UIMC1: variants seen among roughly 807,000 people sequenced by gnomAD.
UIMC1 encodes ubiquitin interaction motif containing 1.
Under a neutral mutation model 84.9 loss-of-function variants are expected in UIMC1, and 42 were observed. That is an observed-to-expected ratio of 0.49 (90% CI 0.39 to 0.64). UIMC1 has a LOEUF of 0.64. Ranked by LOEUF, UIMC1 falls within the 30% of genes least tolerant of loss-of-function variation. UIMC1 has a pLI of 0.00. For missense variants in UIMC1, 825 were observed against 847.6 expected, an observed-to-expected ratio of 0.97 and a Z score of 0.33; for synonymous variants, 281 against 293.0, an observed-to-expected ratio of 0.96 and a Z score of 0.42.
chr5:177,006,868 G>T (rs1171286703), upstream of UIMC1: 3 of 152,242 alleles, frequency 2.0e-5, no homozygotes, highest in Non-Finnish European at 2.9e-5. Context: ...CTGACCGCCC[G>T]TGAGCCGGCT....
Position 176,908,541 on chromosome 5 carries a change from C to T in UIMC1, c.1830G>A (p.Gln610=). The T allele has an allele frequency of 6.2e-7, 1 of 1,613,966 alleles. No individual in the cohort carries two copies. The highest frequency in any genetic ancestry group is 1.1e-5 in the South Asian group (1 of 91,074). Residue 610 remains glutamine, a synonymous_variant, in exon 12 of 15, where the codon CAG becomes CAA. Transcript: ENST00000511320. The stretch of plus-strand genomic sequence containing the variant: ...CACATACCTTTGGGTTCTTCAGCCT[C>T]TGCTGCCACTTCCCCTCCACAGTTG... ...ACSTVEGKWQ[Q]RLKNPKEKGH... is the part of the protein sequence containing the mutation.
chr5:177,001,352 T>C (rs922176388), intron 1 of UIMC1: 3 of 152,158 alleles, frequency 2.0e-5, no homozygotes, highest in East Asian at 1.9e-4. Context: ...TAAGTTGTTT[T>C]ATGGGGTTTT....
At position 176,969,855 on chromosome 5, in the gene UIMC1, C is replaced by T. The variant is rs1768930175; in HGVS notation, c.358-149G>A. 7.5e-6 allele frequency: 5 copies of T among 663,200 alleles called. No homozygotes were observed. The South Asian group carries it at 7.6e-5, about 10-fold the overall frequency. 41.1% of individuals were successfully genotyped at this position (663,200 alleles called of 1,614,324 possible). A position where few individuals can be genotyped will look rare whatever the true frequency, so the allele number is the denominator to read the frequency against. ...GCTCAATTTAATTTCACAGCATATG[C>T]TGAATGTCTATGTGCAAAGTGTTGT... On this transcript the variant is annotated intron_variant, in intron 4 of 14. Coordinates refer to ENST00000511320, the MANE Select transcript of UIMC1 (RefSeq NM_001199298.2).
intron 13 of UIMC1, chr5:176,906,304 G>T: frequency 4.6e-6 from 2 of 438,700 alleles, no homozygotes; most frequent in Non-Finnish European, 4.1e-6. Flanking sequence ...TGAGGAACAA[G>T]GAAGTTGCCA....
rs149115377 is a variant in UIMC1 at position 176,937,685 on chromosome 5, G to A, written c.1597+5650C>T. 2.9e-3 allele frequency among the ~76,000 whole-genome samples: 440 copies of A among 152,202 alleles called. 1 individual carries two copies. Among genetic ancestry groups the A allele is most frequent in the African/African-American group, 0.01 (422 of 41,530 alleles). On this transcript the variant is annotated intron_variant, in intron 10 of 14. Coordinates refer to ENST00000511320, the MANE Select transcript of UIMC1 (RefSeq NM_001199298.2). The stretch of plus-strand genomic sequence containing the variant: ...ATGCATAATTGTTATTGTGCTGCAC[G>A]GTAAGTAGGCATAAATAGTAGACAC...
intron 1 of UIMC1, among the ~76,000 whole-genome samples, chr5:176,985,147 G>GT (rs552690530): frequency 2.3e-4 from 35 of 151,192 alleles, no homozygotes; most frequent in Middle Eastern, 3.4e-3. Context: ...GGAAAAAATG[G>GT]TTTTTTTTTC....
Position 177,020,439 on chromosome 5 carries a change from T to C in UIMC1, c.-9+2025A>G, listed in dbSNP as rs146489505. ...CTTAGCACTTATTATTGTTAACTTT[T>C]TTTGTTTTTGAGATGGAGTCTCGCT... On this transcript the variant is annotated intron_variant, in intron 1 of 5. Coordinates refer to the UIMC1 transcript ENST00000509236. 9.1e-3 allele frequency among the ~76,000 whole-genome samples: 1,390 copies of C among 152,326 alleles called. 9 individuals are homozygous for C. Among genetic ancestry groups the C allele is most frequent in the South Asian group, 0.025 (121 of 4,828 alleles).
At chr5:176,925,574 G>T (rs913573882) in intron 10 of UIMC1, among the ~76,000 whole-genome samples, 6 of 151,742 alleles carry the variant, frequency 4.0e-5, no homozygotes, top group African/African-American at 1.5e-4. Context: ...ACTGTATAAA[G>T]AAACTGGTAT....
intron 11 of UIMC1, among the ~76,000 whole-genome samples, chr5:176,909,151 C>G (rs887181654): frequency 6.6e-6 from 1 of 152,186 alleles, no homozygotes; most frequent in Non-Finnish European, 1.5e-5. Context: ...TCAAGTCTGT[C>G]TATATGCTGA....
intron 6 of UIMC1, among the ~76,000 whole-genome samples, chr5:176,961,865 G>A (rs1426912508): frequency 2.2e-5 from 1 of 46,464 alleles, no homozygotes; most frequent in Admixed American, 1.6e-4. Context: ...CCCTCTGCCC[G>A]GCCAGCCGCC....
intron 1 of UIMC1, among the ~76,000 whole-genome samples, chr5:177,005,859 C>T (rs1775177041): frequency 6.6e-6 from 1 of 152,126 alleles, no homozygotes; most frequent in African/African-American, 2.4e-5. Flanking sequence ...CTGCCCGGGA[C>T]TCGCGCCCCG....
chr5:176,957,355 C>T (rs571744893), intron 7 of UIMC1, among the ~76,000 whole-genome samples: 1 of 152,206 alleles, frequency 6.6e-6, no homozygotes, highest in South Asian at 2.1e-4. Flanking sequence ...TCTCAAAACT[C>T]AACTACTAGA....
intron 12 of UIMC1, 40 bp from the exon 13 acceptor site, chr5:176,907,217 C>A (rs778917050): frequency 1.3e-6 from 2 of 1,581,744 alleles, no homozygotes; most frequent in Non-Finnish European, 1.7e-6. Context: ...TACTTCATGT[C>A]AGAGTCTAAA....
intron 1 of UIMC1, among the ~76,000 whole-genome samples, chr5:177,019,494 T>A (rs1775741940): frequency 6.6e-6 from 1 of 151,554 alleles, no homozygotes; most frequent in Non-Finnish European, 1.5e-5. Context: ...TTTTTTTAAT[T>A]AGCTGGGCAT....
chr5:177,001,628 T>G (rs1554137351), intron 1 of UIMC1: 1 of 151,942 alleles, frequency 6.6e-6, no homozygotes, highest in Non-Finnish European at 1.5e-5. Context: ...CAGAACAGTT[T>G]AAACAATCTT....
At position 176,999,172 on chromosome 5, in the gene UIMC1, G is replaced by A. The variant is rs1005401250; in HGVS notation, c.-9+7478C>T. ...AGTGACAGAGCAAGATCCTGTCTCAGAAAAAATAATAATAATAATCCTCAA... is the reference window on the plus strand; with the variant it reads ...AGTGACAGAGCAAGATCCTGTCTCAAAAAAAATAATAATAATAATCCTCAA... On this transcript the variant is annotated intron_variant, in intron 1 of 14. Coordinates refer to ENST00000511320, the MANE Select transcript of UIMC1 (RefSeq NM_001199298.2). Among the ~76,000 whole-genome samples, 6 of 152,076 alleles carry A rather than the reference G, an allele frequency of 3.9e-5. No homozygotes were observed. In the East Asian group the frequency reaches 1.2e-3, roughly 29 times the overall value.
chr5:177,018,494 G>A (rs759570306), intron 1 of UIMC1, among the ~76,000 whole-genome samples: 1 of 152,178 alleles, frequency 6.6e-6, no homozygotes, highest in Non-Finnish European at 1.5e-5. Flanking sequence ...ATGCTGAACA[G>A]TAGCCAGTTC....
chr5:176,905,581 CAG>C, intron 14 of UIMC1, 89 bp from the exon 15 acceptor site: 1 of 1,188,112 alleles, frequency 8.4e-7, no homozygotes, highest in African/African-American at 1.5e-5. Context: ...TTTTACATAT[CAG>C]GGGATTATTA....
Position 176,932,209 on chromosome 5 carries a change from C to T in UIMC1, c.1597+11126G>A, listed in dbSNP as rs114582394. 2.6e-3 allele frequency among the ~76,000 whole-genome samples: 400 copies of T among 152,220 alleles called. 5 individuals carry two copies. Among genetic ancestry groups the T allele is most frequent in the African/African-American group, 9.0e-3 (373 of 41,540 alleles). Reference sequence around the variant, plus strand: ...AACACTGAACAGTTCTAGGGTGAAGCCGACTAAAGAAGAATCTACTTTATA... The same window carrying T: ...AACACTGAACAGTTCTAGGGTGAAGTCGACTAAAGAAGAATCTACTTTATA... On this transcript the variant is annotated intron_variant, in intron 10 of 14. Transcript: ENST00000511320.
Sources: gnomAD v4.1 joint callset for allele counts (sites outside exome capture counted in the v4.1 genomes callset) on GRCh38, gnomAD v4.1.1 for gene constraint, MANE v1.5 for transcripts, NCBI Gene and HGNC (gene_info 2026-07-23, HGNC 2026-07-21) for gene names.